INVS: variants seen among roughly 807,000 people sequenced by gnomAD.
INVS encodes inversin.
INVS carries 86 observed loss-of-function variants against 108.8 expected under a neutral mutation model. The ratio of observed to expected loss-of-function variants is 0.79; its 90% CI spans 0.66 to 0.95. The LOEUF (loss-of-function observed/expected upper bound fraction) is 0.95, where lower values mean the gene tolerates loss of function less well. INVS is among the 40% of genes least tolerant of loss of function. The probability of loss-of-function intolerance (pLI) is 0.00; values close to 1 mark genes in which losing one functional copy is unlikely to be tolerated. For synonymous variants in INVS, 455 were observed against 473.5 expected, an observed-to-expected ratio of 0.96 and a Z score of 0.51; for missense variants, 1,169 against 1,297.4, an observed-to-expected ratio of 0.90 and a Z score of 1.52.
intron 3 of INVS, 96 bp downstream of exon 3, chr9:100,126,645 C>T: frequency 8.7e-7 from 1 of 1,148,902 alleles, no homozygotes; most frequent in South Asian, 1.3e-5. Context: ...AAAGAAGTCT[C>T]AAATGCATGA....
At chr9:100,264,999 G>A in intron 11 of INVS, 71 bp downstream of exon 11, 1 of 1,023,742 alleles carries the variant, frequency 9.8e-7, no homozygotes, top group Non-Finnish European at 1.5e-6. Context: ...TTGGGTTGCA[G>A]TGGCACGATC....
At chr9:100,149,423 A>T (rs548699245) in intron 3 of INVS, among the ~76,000 whole-genome samples, 52 of 152,318 alleles carry the variant, frequency 3.4e-4, no homozygotes, top group Non-Finnish European at 4.4e-4. Flanking sequence ...GTTGACTTCA[A>T]TGCTAGCTAG....
At chr9:100,229,577 T>C in intron 4 of INVS, 83 bp from the exon 5 acceptor site, 1 of 1,263,740 alleles carries the variant, frequency 7.9e-7, no homozygotes. Flanking sequence ...ATAAAACTCT[T>C]ATAACAGTGC....
At position 100,297,815 on chromosome 9, in the gene INVS, C is replaced by A. The variant is rs986696331; in HGVS notation, c.3017-121C>A. 7.1e-6 allele frequency: 7 copies of A among 984,452 alleles called. No homozygotes were observed. The Admixed American group carries it at 1.3e-4, about 18-fold the overall frequency. 61.0% of individuals were successfully genotyped at this position (984,452 alleles called of 1,614,324 possible). ...TGGGCCTACATGTTTCCACACCATA[C>A]CTAACTTATCTTGACACACACCTGC... On this transcript the variant is annotated intron_variant, in intron 15 of 16. Transcript: ENST00000262457.
At chr9:100,197,466 A>G (rs1204584849) in intron 3 of INVS, among the ~76,000 whole-genome samples, 2 of 152,324 alleles carry the variant, frequency 1.3e-5, no homozygotes, top group East Asian at 3.9e-4. Context: ...TGCAAGGTAT[A>G]GAAGGGTCCC....
chr9:100,264,944 C>CTTTTTTTTTTTTTTTTTT lies in INVS; in HGVS notation c.1571+32_1571+33insTTTTTTTTTTTTTTTTTT. 1 of 1,241,804 alleles carries CTTTTTTTTTTTTTTTTTT rather than the reference C, an allele frequency of 8.1e-7. No homozygotes were observed. The highest frequency in any genetic ancestry group is 1.1e-6 in the Non-Finnish European group (1 of 881,874). The allele number at this position is 1,241,804 out of a possible 1,614,324, so 76.9% of individuals were successfully genotyped here. A position where few individuals can be genotyped will look rare whatever the true frequency, so the allele number is the denominator to read the frequency against. On this transcript the variant is annotated intron_variant, in intron 11 of 16. Coordinates refer to ENST00000262457, the MANE Select transcript of INVS (RefSeq NM_014425.5). ...ATGAAGAGAGGTAAGTTGTTGTTGA[C>CTTTTTTTTTTTTTTTTTT]TTTTTTTTTTTTTTTTGAGATGGCT...
intron 11 of INVS, among the ~76,000 whole-genome samples, chr9:100,267,477 A>G (rs556175306): frequency 2.0e-5 from 3 of 152,310 alleles, no homozygotes; most frequent in African/African-American, 7.2e-5. Flanking sequence ...GGCAGGTCCA[A>G]TTGTATCTTG....
intron 3 of INVS, among the ~76,000 whole-genome samples, chr9:100,128,830 G>A (rs1157535144): frequency 6.6e-6 from 1 of 152,136 alleles, no homozygotes; most frequent in African/African-American, 2.4e-5. Flanking sequence ...AAAAACATCA[G>A]GGATTGGCAT....
chr9:100,277,014 CG>C (rs1423948164), intron 12 of INVS, among the ~76,000 whole-genome samples: 1 of 152,186 alleles, frequency 6.6e-6, no homozygotes, highest in African/African-American at 2.4e-5. Flanking sequence ...AGAGTTTCAT[CG>C]TCACGTCCAG....
At chr9:100,157,259 T>C (rs1424474946) in intron 3 of INVS, among the ~76,000 whole-genome samples, 2 of 142,276 alleles carry the variant, frequency 1.4e-5, no homozygotes, top group Non-Finnish European at 3.0e-5. Context: ...TAAAAATTTC[T>C]TTTTTTTCTT....
intron 12 of INVS, among the ~76,000 whole-genome samples, chr9:100,279,569 C>T (rs1833216837): frequency 6.6e-6 from 1 of 152,210 alleles, no homozygotes; most frequent in Non-Finnish European, 1.5e-5. Flanking sequence ...ACAGAGCACA[C>T]CAATATTCTC....
chr9:100,186,267 A>T (rs1346582150), intron 3 of INVS, among the ~76,000 whole-genome samples: 1 of 152,092 alleles, frequency 6.6e-6, no homozygotes, highest in East Asian at 1.9e-4. Flanking sequence ...TCTCTGCCTC[A>T]GCCCCCTCAG....
At chr9:100,105,196 C>G (rs1385606289) in intron 2 of INVS, among the ~76,000 whole-genome samples, 1 of 151,888 alleles carries the variant, frequency 6.6e-6, no homozygotes, top group Non-Finnish European at 1.5e-5. Context: ...TTGCAAATCC[C>G]AAAGAGAAAA....
intron 3 of INVS, among the ~76,000 whole-genome samples, chr9:100,211,254 A>G (rs1830823724): frequency 6.6e-6 from 1 of 152,216 alleles, no homozygotes. Context: ...ACCACTCTAA[A>G]TAAATCAGAG....
intron 12 of INVS, among the ~76,000 whole-genome samples, chr9:100,282,102 T>A (rs1009216902): frequency 2.0e-5 from 3 of 152,196 alleles, no homozygotes; most frequent in Non-Finnish European, 1.5e-5. Flanking sequence ...GCCCTGCTCA[T>A]CGGTGCTGAT....
At chr9:100,259,053 G>T (rs560960105) in intron 10 of INVS, among the ~76,000 whole-genome samples, 1 of 152,300 alleles carries the variant, frequency 6.6e-6, no homozygotes, top group African/African-American at 2.4e-5. Context: ...CTTGAGCTGC[G>T]GTGGGCTCCA....
intron 3 of INVS, among the ~76,000 whole-genome samples, chr9:100,157,666 A>T (rs1050664263): frequency 1.3e-5 from 2 of 152,204 alleles, no homozygotes; most frequent in African/African-American, 4.8e-5. Flanking sequence ...TTAGTCTGAA[A>T]AAAGTTCAAA....
At position 100,301,457 on chromosome 9, in the gene INVS, T is replaced by C. The variant is rs1173164760; in HGVS notation, c.*783T>C. Among the ~76,000 whole-genome samples the C allele has an allele frequency of 6.6e-6, 1 of 152,200 alleles. No individual in the cohort carries two copies. The highest frequency in any genetic ancestry group is 1.5e-5 in the Non-Finnish European group (1 of 68,032). On this transcript the variant is annotated 3_prime_UTR_variant, in exon 17 of 17. Transcript: ENST00000262457. ...CCAGACTGTTCATGCAGCAAGGTGC[T>C]AACTCAGGCGTCAACGTTCTACTTG... is the stretch of plus-strand genomic sequence containing the variant.
intron 10 of INVS, among the ~76,000 whole-genome samples, chr9:100,254,413 T>G (rs1438280244): frequency 6.6e-6 from 1 of 152,194 alleles, no homozygotes; most frequent in Non-Finnish European, 1.5e-5. Context: ...AGAAGCTCTT[T>G]AGTTTAATTA....
Sources: allele counts gnomAD v4.1 joint callset (sites outside exome capture counted in the v4.1 genomes callset), GRCh38; gene constraint gnomAD v4.1.1; transcripts MANE v1.5; gene names NCBI Gene and HGNC (gene_info 2026-07-23, HGNC 2026-07-21).